The following MYO7B variants were observed in gnomAD, a reference collection of about 807,000 sequenced individuals.
MYO7B encodes the protein myosin VIIB.
A neutral mutation model predicts 259.7 loss-of-function variants in MYO7B; 212 were observed. The observed-to-expected ratio is 0.82, with a 90% CI of 0.73 to 0.91. MYO7B has a LOEUF of 0.91. MYO7B is among the 40% of genes least tolerant of loss of function. The pLI, the probability that MYO7B is intolerant of heterozygous loss-of-function variation, is 0.00. For missense variants in MYO7B, 2,732 were observed against 2,813.5 expected (o/e 0.97, Z 0.66); for synonymous variants, 1,197 against 1,166.4 (o/e 1.03, Z -0.54).
chr2:127,636,571 C>T lies in MYO7B; in HGVS notation c.6150C>T (p.Asp2050=), dbSNP rs376805770. 15 of 1,612,600 alleles carry T rather than the reference C, an allele frequency of 9.3e-6. No homozygotes were observed. In the African/African-American group the frequency reaches 1.1e-4, roughly 11 times the overall value. ...VKQTSEPSYP[D]VILIAINRHG... ...AAACCTCGGAGCCTTCCTACCCGGA[C>T]GTCATCCTCATCGCCATCAACCGAC... Residue 2050 remains aspartate (D), a synonymous_variant, in exon 46 of 48, where the codon GAC becomes GAT. Coordinates refer to ENST00000409816, the MANE Select transcript of MYO7B (RefSeq NM_001393586.1). The surrounding 1 kb of genome is among the most constrained non-coding windows in gnomAD (Gnocchi z 4.5).
At position 127,636,728 on chromosome 2, in the gene MYO7B, G is replaced by C; in HGVS notation, c.6208-66G>C. ...CTGCGGTGTGTCCTGCCTCTCTCCT[G>C]TCCCCTAACACACACAGAGCCCGTG... On this transcript the variant is annotated intron_variant, in intron 46 of 47. Coordinates refer to ENST00000409816, the MANE Select transcript of MYO7B (RefSeq NM_001393586.1). This position sits in a 1 kb window ranked among gnomAD's most constrained non-coding sequence, Gnocchi z 4.5. 4 of 1,611,360 alleles carry C rather than the reference G, an allele frequency of 2.5e-6. 1 individual carries two copies. The South Asian group carries it at 3.3e-5, about 13-fold the overall frequency.
intron 2 of MYO7B, among the ~76,000 whole-genome samples, chr2:127,561,406 C>A (rs1678082303): frequency 6.6e-6 from 1 of 152,000 alleles, no homozygotes; most frequent in African/African-American, 2.4e-5. Context: ...CTACAGGCAC[C>A]CACCACCATG....
At chr2:127,578,796 C>G (rs1387431171) in intron 9 of MYO7B, among the ~76,000 whole-genome samples, 2 of 152,084 alleles carry the variant, frequency 1.3e-5, no homozygotes, top group African/African-American at 2.4e-5. Context: ...AATGAGATAC[C>G]ATGAACAAGA....
At chr2:127,558,628 A>G (rs965681811) in intron 1 of MYO7B, among the ~76,000 whole-genome samples, 3 of 152,236 alleles carry the variant, frequency 2.0e-5, no homozygotes, top group Non-Finnish European at 4.4e-5. Flanking sequence ...GGATAAAGAA[A>G]TTGTGATATC....
chr2:127,557,253 T>C (rs978784780), intron 1 of MYO7B, among the ~76,000 whole-genome samples: 24 of 152,142 alleles, frequency 1.6e-4, no homozygotes, highest in Non-Finnish European at 2.9e-5. Flanking sequence ...GAAGTTGCAA[T>C]TGTTTTTTAT....
chr2:127,537,943 A>G (rs1692853991), intron 1 of MYO7B, among the ~76,000 whole-genome samples: 1 of 152,032 alleles, frequency 6.6e-6, no homozygotes, highest in Non-Finnish European at 1.5e-5. Flanking sequence ...GTCATTGTAG[A>G]CTCTGTTGTC....
chr2:127,628,379 C>T lies in MYO7B; in HGVS notation c.4468C>T (p.Gln1490Ter), dbSNP rs1681267636. 1 of 1,600,244 alleles carries T rather than the reference C, an allele frequency of 6.2e-7. No homozygotes were observed. Among genetic ancestry groups the T allele is most frequent in the African/African-American group, 1.3e-5 (1 of 74,820 alleles). Residue 1490 changes from glutamine (Q) to a stop codon, truncating the protein, a stop_gained, in exon 34 of 48, where the codon CAG becomes TAG. Transcript: ENST00000409816. LOFTEE classifies it high-confidence loss of function. This position sits in a 1 kb window ranked among gnomAD's most constrained non-coding sequence, Gnocchi z 4.8. ...GCTGTCCTTCATCTCCAGGGAGGCCCAGGGCGGGCAGAGGCTGCTGCTCTC... is the reference window on the plus strand; with the variant it reads ...GCTGTCCTTCATCTCCAGGGAGGCCTAGGGCGGGCAGAGGCTGCTGCTCTC... ...VMGLATNREA[Q>*]GGQRLLLSTM...
At position 127,634,242 on chromosome 2, in the gene MYO7B, C is replaced by T. The variant is rs1681672098; in HGVS notation, c.5578C>T (p.Leu1860=). 1 of 1,596,628 alleles carries T rather than the reference C, an allele frequency of 6.3e-7. No individual in the cohort carries two copies. Among genetic ancestry groups the T allele is most frequent in the Non-Finnish European group, 8.5e-7 (1 of 1,175,008 alleles). ...TGACAGCATTGCCACCAGGCTGCAG[C>T]TGGCCTCCTGGGAGGGCTGCAGCCT... ...VCDSIATRLQ[L]ASWEGCSLFI... Residue 1860 remains leucine, a synonymous_variant, in exon 41 of 48, where the codon CTG becomes TTG. Coordinates refer to ENST00000409816, the MANE Select transcript of MYO7B (RefSeq NM_001393586.1).
At chr2:127,554,513 G>C (rs1193237665) in intron 1 of MYO7B, among the ~76,000 whole-genome samples, 1 of 152,200 alleles carries the variant, frequency 6.6e-6, no homozygotes, top group African/African-American at 2.4e-5. Flanking sequence ...TTGCATCTAT[G>C]TTCATCAAGG....
At chr2:127,579,429 G>A (rs151191995) in intron 9 of MYO7B, among the ~76,000 whole-genome samples, 116 of 152,286 alleles carry the variant, frequency 7.6e-4, no homozygotes, top group African/African-American at 2.6e-3. Flanking sequence ...CTGATCTGTC[G>A]TCTATCAGCC....
At position 127,573,962 on chromosome 2, in the gene MYO7B, G is replaced by T. The variant is rs376693425; in HGVS notation, c.635G>T (p.Arg212Leu). 7.4e-6 allele frequency: 12 copies of T among 1,613,904 alleles called. No homozygotes were observed. Among genetic ancestry groups the T allele is most frequent in the Non-Finnish European group, 8.5e-6 (10 of 1,179,898 alleles). ...ACAATCCGCAACGACAACTCAAGCC[G>T]CTTTGGGAAGTACATTGACATCTAC... is the stretch of plus-strand genomic sequence containing the variant. The part of the protein sequence containing the change: ...AKTIRNDNSS[R>L]FGKYIDIYFN... The change falls in exon 7 of 48, where the codon CGC becomes CTC. Residue 212 changes from arginine (R) to leucine (L), a missense_variant. Physicochemically the swap from Arg to Leu is moderately radical, Grantham distance 102. Coordinates refer to ENST00000409816, the MANE Select transcript of MYO7B (RefSeq NM_001393586.1).
intron 1 of MYO7B, among the ~76,000 whole-genome samples, chr2:127,547,401 G>A (rs1424312660): frequency 2.0e-5 from 3 of 152,226 alleles, no homozygotes; most frequent in Admixed American, 6.5e-5. Flanking sequence ...GGTAACACAC[G>A]TGCTTGTGTG....
rs1679324727 is a variant in MYO7B at position 127,586,844 on chromosome 2, C to T, written c.1691-1548C>T. ...GAGACTGAACCCAGGAGTGTCTCAA[C>T]CCTCCCCACCCTTAAAACATCCAGG... On this transcript the variant is annotated intron_variant, in intron 14 of 47. Coordinates refer to ENST00000409816, the MANE Select transcript of MYO7B (RefSeq NM_001393586.1). This position sits in a 1 kb window ranked among gnomAD's most constrained non-coding sequence, Gnocchi z 4.8. Among the ~76,000 whole-genome samples, 1 of 152,072 alleles carries T rather than the reference C, an allele frequency of 6.6e-6. No individual in the cohort carries two copies. The highest frequency in any genetic ancestry group is 6.5e-5 in the Admixed American group (1 of 15,276).
At chr2:127,567,393 A>G (rs1199593956) in intron 5 of MYO7B, among the ~76,000 whole-genome samples, 1 of 151,896 alleles carries the variant, frequency 6.6e-6, no homozygotes, top group Non-Finnish European at 1.5e-5. Flanking sequence ...TCAGTTCACT[A>G]GGGGACCAGA....
chr2:127,593,553 G>A lies in MYO7B; in HGVS notation c.2153G>A (p.Gly718Asp). Residue 718 changes from glycine to aspartate, a missense_variant, in exon 18 of 48, where the codon GGC becomes GAC. This residue lies in a region of MYO7B where 1,906 missense variants were observed against 2,026.4 expected (regional missense o/e 0.94). Coordinates refer to ENST00000409816, the MANE Select transcript of MYO7B (RefSeq NM_001393586.1). ...LPNAMRMQLQ[G>D]KLRQMTLGIT... Reference sequence around the variant, plus strand: ...CCCGTTTGGTCTTGGCAGCTGCAAGGCAAGCTCCGCCAGATGACCCTGGGC... The same window carrying A: ...CCCGTTTGGTCTTGGCAGCTGCAAGACAAGCTCCGCCAGATGACCCTGGGC... The A allele has an allele frequency of 6.2e-7, 1 of 1,612,762 alleles. No individual in the cohort carries two copies. The highest frequency in any genetic ancestry group is 8.5e-7 in the Non-Finnish European group (1 of 1,179,328).
At chr2:127,538,209 A>C (rs540635740) in intron 1 of MYO7B, among the ~76,000 whole-genome samples, 3 of 152,222 alleles carry the variant, frequency 2.0e-5, no homozygotes, top group East Asian at 3.9e-4. Flanking sequence ...ATACAGAGCA[A>C]AGGAAGTACC....
Position 127,633,951 on chromosome 2 carries a change from C to T in MYO7B, c.5512-225C>T, listed in dbSNP as rs562699497. Among the ~76,000 whole-genome samples, 40 of 152,282 alleles carry T rather than the reference C, an allele frequency of 2.6e-4. No homozygotes were observed. The East Asian group carries it at 3.9e-3, about 15-fold the overall frequency. ...CAGTCTGGCTGCTGGGCTCTCAAGG[C>T]GAGTCAAAAGGCCAGGCCTGCAGGG... On this transcript the variant is annotated intron_variant, in intron 40 of 47. Transcript: ENST00000409816.
At chr2:127,592,636 A>G (rs1250882914) in intron 16 of MYO7B, among the ~76,000 whole-genome samples, 158 bp from the exon 17 acceptor site, 1 of 112,570 alleles carries the variant, frequency 8.9e-6, no homozygotes, top group Non-Finnish European at 1.7e-5. Context: ...GCATTTGTTT[A>G]GTTCTTCCAT....
At chr2:127,632,987 C>T (rs1263629694) in intron 39 of MYO7B, among the ~76,000 whole-genome samples, 1 of 152,226 alleles carries the variant, frequency 6.6e-6, no homozygotes, top group Admixed American at 6.5e-5. Flanking sequence ...TACTGCCAGC[C>T]TTTCCTGCCG....
Sources: gnomAD v4.1 joint callset for allele counts (sites outside exome capture counted in the v4.1 genomes callset) on GRCh38, gnomAD v4.1.1 for gene constraint, gnomAD v4.1.1 regional missense constraint, Gnocchi (gnomAD v3.1) non-coding constraint, MANE v1.5 for transcripts, NCBI Gene and HGNC (gene_info 2026-07-23, HGNC 2026-07-21) for gene names.